Variants in IL1RAPL1 observed in about 807,000 individuals in gnomAD.
The protein encoded by IL1RAPL1 is interleukin 1 receptor accessory protein like 1.
IL1RAPL1 carries 3 observed loss-of-function variants against 48.4 expected under a neutral mutation model. That is an observed-to-expected ratio of 0.06 (90% CI 0.03 to 0.16). The LOEUF is 0.16. Among genes scored for constraint, IL1RAPL1 ranks in the 10% least tolerant of loss-of-function variants. The pLI, the probability that IL1RAPL1 is intolerant of heterozygous loss-of-function variation, is 1.00. For synonymous variants in IL1RAPL1, 185 were observed against 187.7 expected (o/e 0.99, Z 0.12); for missense variants, 349 against 530.6 (o/e 0.66, Z 3.36).
intron 6 of IL1RAPL1, among the ~76,000 whole-genome samples, chrX:29,801,072 A>C (rs1344732974): frequency 3.1e-5 from 3 of 95,443 alleles, no homozygotes; most frequent in Non-Finnish European, 4.2e-5. Flanking sequence ...AAAAAAAAAA[A>C]AAAAAAAACT....
At chrX:28,688,695 A>G (rs997938751) in intron 1 of IL1RAPL1, among the ~76,000 whole-genome samples, 2 of 111,634 alleles carry the variant, frequency 1.8e-5, no homozygotes, top group African/African-American at 3.3e-5. Flanking sequence ...ACATTTTCTG[A>G]TTTTATGAGT....
intron 3 of IL1RAPL1, among the ~76,000 whole-genome samples, chrX:29,362,490 T>C (rs1240176363): frequency 8.9e-6 from 1 of 112,156 alleles, no homozygotes; most frequent in Non-Finnish European, 1.9e-5. Flanking sequence ...GTGTGCTCAT[T>C]GGCCTTCTTC....
At chrX:28,960,924 G>A (rs1245937849) in intron 2 of IL1RAPL1, among the ~76,000 whole-genome samples, 1 of 103,228 alleles carries the variant, frequency 9.7e-6, no homozygotes, top group Non-Finnish European at 2.0e-5. Flanking sequence ...GCAGGAGAAT[G>A]GTGTGAACCC....
At chrX:29,537,452 T>G (rs558924218) in intron 5 of IL1RAPL1, among the ~76,000 whole-genome samples, 1 of 109,094 alleles carries the variant, frequency 9.2e-6, no homozygotes, top group East Asian at 2.9e-4. Flanking sequence ...TGGAACAATA[T>G]AAGGAAGGAA....
intron 1 of IL1RAPL1, among the ~76,000 whole-genome samples, chrX:28,634,325 A>ATG (rs756591652): frequency 0.02 from 2,110 of 106,558 alleles, 49 homozygotes; most frequent in African/African-American, 0.059. Flanking sequence ...TTATATATAT[A>ATG]TGTGTGTGTG....
At chrX:28,789,504 G>A (rs2147265282) in intron 2 of IL1RAPL1, 79 bp downstream of exon 2, 1 of 727,927 alleles carries the variant, frequency 1.4e-6, no homozygotes, top group Non-Finnish European at 2.2e-6. Context: ...TGCCATTAGT[G>A]GAAAAGTTGA....
chrX:29,564,987 G>A (rs1922351421), intron 5 of IL1RAPL1, among the ~76,000 whole-genome samples: 1 of 110,998 alleles, frequency 9.0e-6, no homozygotes, highest in Admixed American at 9.6e-5. Flanking sequence ...CTTCCAAGTA[G>A]CAGTATAGCA....
At chrX:29,178,446 AT>A (rs1271346243) in intron 2 of IL1RAPL1, among the ~76,000 whole-genome samples, 1 of 111,208 alleles carries the variant, frequency 9.0e-6, no homozygotes, top group African/African-American at 3.3e-5. Context: ...GGGTTGTTTG[AT>A]TTTTTTCTTG....
At chrX:29,000,933 G>A (rs1295186232) in intron 2 of IL1RAPL1, among the ~76,000 whole-genome samples, 1 of 102,410 alleles carries the variant, frequency 9.8e-6, no homozygotes, top group African/African-American at 3.6e-5. Flanking sequence ...TTCAGAGTGT[G>A]ATCTTCAGGT....
intron 3 of IL1RAPL1, among the ~76,000 whole-genome samples, chrX:29,341,541 A>C (rs1933075146): frequency 8.9e-6 from 1 of 111,809 alleles, no homozygotes; most frequent in Non-Finnish European, 1.9e-5. Flanking sequence ...GAAGATGAAA[A>C]AGTTGAGTCT....
chrX:28,982,396 T>C lies in IL1RAPL1; in HGVS notation c.82+192971T>C, dbSNP rs141701333. Among the ~76,000 whole-genome samples, 294 of 112,143 alleles carry C rather than the reference T, an allele frequency of 2.6e-3. 1 individual carries two copies. Among genetic ancestry groups the C allele is most frequent in the Middle Eastern group, 9.1e-3 (2 of 219 alleles). On this transcript the variant is annotated intron_variant, in intron 2 of 10. Transcript: ENST00000378993. ...ATTTATAATGTGGGGATAATTATAG[T>C]ACCTTCCTTGTGGAGTTCTTGTGAG...
chrX:29,299,763 AATTTATATTCAAGTG>A (rs1356773703), intron 3 of IL1RAPL1, among the ~76,000 whole-genome samples: 9 of 112,187 alleles, frequency 8.0e-5, no homozygotes, highest in African/African-American at 2.9e-4. Flanking sequence ...TAAGTTTGTG[AATTTATATTCAAGTG>A]ATAACGGTTA....
chrX:28,660,555 CAGCT>C (rs912719951), intron 1 of IL1RAPL1, among the ~76,000 whole-genome samples: 2 of 111,633 alleles, frequency 1.8e-5, no homozygotes, highest in African/African-American at 3.3e-5. Context: ...TTAGAAATGA[CAGCT>C]AGGACATGGA....
chrX:28,908,918 A>C (rs1013646730), intron 2 of IL1RAPL1, among the ~76,000 whole-genome samples: 1 of 111,485 alleles, frequency 9.0e-6, no homozygotes, highest in African/African-American at 3.3e-5. Context: ...TGAAGAATTT[A>C]CCCTTTTTTG....
At chrX:29,950,812 G>A (rs1265397088) in intron 9 of IL1RAPL1, among the ~76,000 whole-genome samples, 1 of 109,712 alleles carries the variant, frequency 9.1e-6, no homozygotes, top group Non-Finnish European at 1.9e-5. Flanking sequence ...GAGTAGCTGG[G>A]ACTACAGGCG....
At chrX:29,572,655 G>A (rs1922633042) in intron 5 of IL1RAPL1, among the ~76,000 whole-genome samples, 1 of 112,439 alleles carries the variant, frequency 8.9e-6, no homozygotes. Flanking sequence ...GGTCAAACAA[G>A]TTTATGGAAT....
intron 2 of IL1RAPL1, among the ~76,000 whole-genome samples, chrX:29,105,473 A>G (rs1928429959): frequency 8.9e-6 from 1 of 112,031 alleles, no homozygotes; most frequent in African/African-American, 3.2e-5. Context: ...CATAGCAAAT[A>G]CTCATAGGTG....
At chrX:29,600,056 C>T (rs149466394) in intron 5 of IL1RAPL1, among the ~76,000 whole-genome samples, 1 of 111,989 alleles carries the variant, frequency 8.9e-6, no homozygotes, top group Non-Finnish European at 1.9e-5. Flanking sequence ...GCCTCCATTG[C>T]TGGTCATCTG....
chrX:29,263,867 C>G (rs368279452), intron 2 of IL1RAPL1, among the ~76,000 whole-genome samples: 1 of 99,723 alleles, frequency 1.0e-5, no homozygotes, highest in Non-Finnish European at 2.0e-5. Flanking sequence ...CTCTCCCCCC[C>G]CCCCGCTCTC....
Sources: gnomAD v4.1 joint callset for allele counts (sites outside exome capture counted in the v4.1 genomes callset) on GRCh38, gnomAD v4.1.1 for gene constraint, MANE v1.5 for transcripts, NCBI Gene and HGNC (gene_info 2026-07-23, HGNC 2026-07-21) for gene names.